Variants in TPST1 observed in about 807,000 individuals in gnomAD.
TPST1 encodes tyrosylprotein sulfotransferase 1.
Under a neutral mutation model 34.8 loss-of-function variants are expected in TPST1, and 20 were observed. The ratio of observed to expected loss-of-function variants is 0.57; its 90% CI spans 0.40 to 0.84. The LOEUF is 0.84. TPST1 is among the 40% of genes least tolerant of loss of function. The pLI is 0.00. For missense variants in TPST1, 353 were observed against 455.5 expected, an observed-to-expected ratio of 0.78 and a Z score of 2.05; for synonymous variants, 152 against 159.4, an observed-to-expected ratio of 0.95 and a Z score of 0.35.
intron 1 of TPST1, among the ~76,000 whole-genome samples, chr7:66,237,301 A>C (rs977023762): frequency 6.6e-6 from 1 of 152,116 alleles, no homozygotes; most frequent in Non-Finnish European, 1.5e-5. Context: ...GTAACCTTAC[A>C]CAGACCCTCA....
At chr7:66,230,405 G>A (rs962207045) in intron 1 of TPST1, among the ~76,000 whole-genome samples, 19 of 152,230 alleles carry the variant, frequency 1.2e-4, no homozygotes, top group Non-Finnish European at 1.8e-4. Flanking sequence ...CGCGGTGAGC[G>A]TTAAGCTCTT....
intron 2 of TPST1, among the ~76,000 whole-genome samples, chr7:66,252,685 C>G (rs2115630468): frequency 6.6e-6 from 1 of 152,218 alleles, no homozygotes; most frequent in African/African-American, 2.4e-5. Context: ...AATGACCTCA[C>G]TTTAACAGAA....
At chr7:66,214,910 T>A (rs555170718) in intron 1 of TPST1, among the ~76,000 whole-genome samples, 51 of 147,382 alleles carry the variant, frequency 3.5e-4, no homozygotes, top group Non-Finnish European at 6.6e-4. Flanking sequence ...TTGGTTAAAA[T>A]ATATATTTTT....
At chr7:66,293,172 C>G (rs1791122205) in intron 3 of TPST1, among the ~76,000 whole-genome samples, 1 of 151,458 alleles carries the variant, frequency 6.6e-6, no homozygotes, top group Non-Finnish European at 1.5e-5. Flanking sequence ...CGCCACTGCA[C>G]TCCAGCCTGG....
At chr7:66,303,922 C>T (rs1012243823) in intron 3 of TPST1, among the ~76,000 whole-genome samples, 1 of 152,106 alleles carries the variant, frequency 6.6e-6, no homozygotes, top group Non-Finnish European at 1.5e-5. Context: ...CTTGGAGTTA[C>T]GGCTCAGCTC....
At chr7:66,325,381 CT>C (rs564405118) in intron 3 of TPST1, among the ~76,000 whole-genome samples, 3 of 151,186 alleles carry the variant, frequency 2.0e-5, no homozygotes, top group East Asian at 1.9e-4. Flanking sequence ...TTTTTCTTTT[CT>C]TTTTTTTTCA....
intron 2 of TPST1, among the ~76,000 whole-genome samples, chr7:66,243,481 T>C (rs1298112988): frequency 6.6e-6 from 1 of 152,122 alleles, no homozygotes; most frequent in African/African-American, 2.4e-5. Context: ...TCTCTCTGTG[T>C]CATCCAGGCT....
At chr7:66,292,866 C>T (rs1401499150) in intron 3 of TPST1, among the ~76,000 whole-genome samples, 1 of 152,026 alleles carries the variant, frequency 6.6e-6, no homozygotes, top group Non-Finnish European at 1.5e-5. Flanking sequence ...TCCTATTCGG[C>T]CATCTTGGCT....
intron 3 of TPST1, among the ~76,000 whole-genome samples, chr7:66,306,055 T>C (rs777159564): frequency 1.3e-5 from 2 of 152,164 alleles, no homozygotes; most frequent in Admixed American, 6.5e-5. Flanking sequence ...TTGGAACGAA[T>C]AGAATACAAC....
intron 2 of TPST1, among the ~76,000 whole-genome samples, chr7:66,251,877 A>G (rs1309830447): frequency 6.6e-6 from 1 of 151,926 alleles, no homozygotes; most frequent in Non-Finnish European, 1.5e-5. Context: ...TTTAATTGCC[A>G]AAATACTATT....
chr7:66,328,886 C>CTCTCTCTA (rs757168858), intron 3 of TPST1, among the ~76,000 whole-genome samples: 29 of 22,088 alleles, frequency 1.3e-3, no homozygotes, highest in African/African-American at 1.7e-3. Context: ...CTCTCTCTCT[C>CTCTCTCTA]TATATATATA....
At chr7:66,265,002 C>T (rs1047015187) in intron 2 of TPST1, among the ~76,000 whole-genome samples, 5 of 152,032 alleles carry the variant, frequency 3.3e-5, no homozygotes, top group African/African-American at 9.7e-5. Flanking sequence ...ATGAACTAAA[C>T]CAGATAGACA....
At chr7:66,343,899 G>A (rs1346540733) in intron 3 of TPST1, among the ~76,000 whole-genome samples, 1 of 152,110 alleles carries the variant, frequency 6.6e-6, no homozygotes, top group South Asian at 2.1e-4. Context: ...AGAAAGGTGG[G>A]TAACATAAGC....
chr7:66,247,626 C>T (rs112692155), intron 2 of TPST1, among the ~76,000 whole-genome samples: 3 of 152,092 alleles, frequency 2.0e-5, no homozygotes, highest in African/African-American at 4.8e-5. Flanking sequence ...TAAAGGGAAG[C>T]GCATTTAGTT....
At chr7:66,223,893 A>G (rs1216746368) in intron 1 of TPST1, among the ~76,000 whole-genome samples, 1 of 152,108 alleles carries the variant, frequency 6.6e-6, no homozygotes, top group African/African-American at 2.4e-5. Flanking sequence ...ATTTCATTTA[A>G]CTTGAACCTT....
At chr7:66,278,653 G>A (rs1584201818) in intron 2 of TPST1, among the ~76,000 whole-genome samples, 1 of 151,946 alleles carries the variant, frequency 6.6e-6, no homozygotes, top group African/African-American at 2.4e-5. Context: ...GCTTGGTGGC[G>A]GGCGCCTGTA....
intron 2 of TPST1, among the ~76,000 whole-genome samples, chr7:66,243,381 T>G (rs1237509281): frequency 6.6e-6 from 1 of 152,130 alleles, no homozygotes; most frequent in African/African-American, 2.4e-5. Context: ...AAGAAAATCT[T>G]ACCCAGAATT....
chr7:66,327,712 G>A (rs1370348275), intron 3 of TPST1, among the ~76,000 whole-genome samples: 2 of 141,594 alleles, frequency 1.4e-5, no homozygotes, highest in Non-Finnish European at 3.0e-5. Flanking sequence ...GACAGAGAAA[G>A]ACCCTGTCTT....
Position 66,227,028 on chromosome 7 carries a change from C to CTTTTTTTTTTTTTTTTTTTTTTTT in TPST1, c.-101-13274_-101-13273insTTTTTTTTTTTTTTTTTTTTTTTT, listed in dbSNP as rs546339747. On this transcript the variant is annotated intron_variant, in intron 1 of 5. Coordinates refer to ENST00000304842, the MANE Select transcript of TPST1 (RefSeq NM_003596.4). ...TTGGTGTTGGATGCCTTAAAATAAG[C>CTTTTTTTTTTTTTTTTTTTTTTTT]TTTTTTTTTTTTTTTTTTTTTTTGA... 8.7e-5 allele frequency among the ~76,000 whole-genome samples: 6 copies of CTTTTTTTTTTTTTTTTTTTTTTTT among 69,206 alleles called. 2 individuals are homozygous for CTTTTTTTTTTTTTTTTTTTTTTTT. The highest frequency in any genetic ancestry group is 3.4e-4 in the African/African-American group (5 of 14,898). 45.4% of individuals were successfully genotyped at this position (69,206 alleles called of 152,430 possible).
Sources: allele counts gnomAD v4.1 joint callset (sites outside exome capture counted in the v4.1 genomes callset), GRCh38; gene constraint gnomAD v4.1.1; transcripts MANE v1.5; gene names NCBI Gene and HGNC (gene_info 2026-07-23, HGNC 2026-07-21).